Variants in SCHIP1 observed in about 807,000 individuals in gnomAD.
The protein encoded by SCHIP1 is schwannomin interacting protein 1, also known as schwannomin-interacting protein 1.
SCHIP1 carries 8 observed loss-of-function variants against 29.7 expected under a neutral mutation model. The ratio of observed to expected loss-of-function variants is 0.27; its 90% CI spans 0.16 to 0.49. The LOEUF is 0.49. SCHIP1 is among the 20% of genes least tolerant of loss of function. The pLI is 0.99. For missense variants in SCHIP1, 193 were observed against 294.6 expected, an observed-to-expected ratio of 0.66 and a Z score of 2.52; for synonymous variants, 76 against 94.9, an observed-to-expected ratio of 0.80 and a Z score of 1.16.
At chr3:159,784,798 C>T in the SCHIP1 span, among the ~76,000 whole-genome samples, 6 of 152,262 alleles carry the variant, frequency 3.9e-5, no homozygotes, top group East Asian at 1.9e-4. Context: ...AGACTACAGA[C>T]GCGTGCCACC....
chr3:159,536,699 AAAG>A, the SCHIP1 span, among the ~76,000 whole-genome samples: 2 of 152,184 alleles, frequency 1.3e-5, no homozygotes, highest in South Asian at 2.1e-4. Flanking sequence ...GGGAGAAGGG[AAAG>A]AAGACAAAAT....
At chr3:159,501,356 CAG>C in the SCHIP1 span, among the ~76,000 whole-genome samples, 1 of 152,204 alleles carries the variant, frequency 6.6e-6, no homozygotes, top group African/African-American at 2.4e-5. Context: ...AATTTAGTGA[CAG>C]ATTTAATTCC....
the SCHIP1 span, among the ~76,000 whole-genome samples, chr3:159,669,692 A>C: frequency 2.0e-5 from 3 of 152,310 alleles, no homozygotes; most frequent in East Asian, 5.8e-4. Flanking sequence ...AGAAGGTATT[A>C]ATATTTAGCA....
the SCHIP1 span, among the ~76,000 whole-genome samples, chr3:159,723,293 C>T: frequency 6.6e-6 from 1 of 152,100 alleles, no homozygotes. Flanking sequence ...TCCCACCATC[C>T]ACATATTTTT....
chr3:159,514,017 ACG>A, the SCHIP1 span, among the ~76,000 whole-genome samples: 2 of 152,204 alleles, frequency 1.3e-5, no homozygotes, highest in Non-Finnish European at 2.9e-5. Context: ...CAGGTGCAAG[ACG>A]TGAAATGAAC....
the SCHIP1 span, among the ~76,000 whole-genome samples, chr3:159,505,749 G>A: frequency 6.6e-6 from 1 of 152,006 alleles, no homozygotes; most frequent in African/African-American, 2.4e-5. Context: ...GCGATAGTTT[G>A]CTGAGAATGA....
the SCHIP1 span, among the ~76,000 whole-genome samples, chr3:159,787,474 G>A: frequency 1.3e-4 from 20 of 152,352 alleles, no homozygotes; most frequent in South Asian, 3.9e-3. Context: ...GCATCTGGTA[G>A]GAGCTTAGTG....
the SCHIP1 span, among the ~76,000 whole-genome samples, chr3:159,696,754 G>A: frequency 6.6e-6 from 1 of 152,200 alleles, no homozygotes. Flanking sequence ...GGTCAGGAAA[G>A]GCTTCCTAAG....
At chr3:159,831,997 C>T in the SCHIP1 span, among the ~76,000 whole-genome samples, 12 of 152,118 alleles carry the variant, frequency 7.9e-5, no homozygotes, top group Non-Finnish European at 1.6e-4. Flanking sequence ...ACTTAACACA[C>T]GTTTATGAGT....
chr3:159,504,570 T>G, the SCHIP1 span, among the ~76,000 whole-genome samples: 1 of 152,194 alleles, frequency 6.6e-6, no homozygotes, highest in Non-Finnish European at 1.5e-5. Context: ...CCAAAAATTC[T>G]TATATTTAGC....
At chr3:159,866,039 C>A (rs1285030432) in intron 1 of SCHIP1, 124 bp from the exon 3 acceptor site, 3 of 812,172 alleles carry the variant, frequency 3.7e-6, no homozygotes, top group African/African-American at 3.5e-5. Flanking sequence ...TACTCTTATG[C>A]CGCAGCCTAT....
chr3:159,486,209 T>C, the SCHIP1 span, among the ~76,000 whole-genome samples: 1 of 152,172 alleles, frequency 6.6e-6, no homozygotes, highest in African/African-American at 2.4e-5. Flanking sequence ...TATTGTTAAC[T>C]ACAGACCCCA....
chr3:159,335,915 C>T, the SCHIP1 span, among the ~76,000 whole-genome samples: 1 of 152,190 alleles, frequency 6.6e-6, no homozygotes, highest in Non-Finnish European at 1.5e-5. Context: ...TGAGGAATCG[C>T]CACACTGACT....
chr3:159,773,824 C>A, the SCHIP1 span, among the ~76,000 whole-genome samples: 1 of 152,178 alleles, frequency 6.6e-6, no homozygotes, highest in Non-Finnish European at 1.5e-5. Context: ...TGGCTCACCC[C>A]ACAAGTGAAG....
At chr3:159,477,499 T>C in the SCHIP1 span, among the ~76,000 whole-genome samples, 1 of 152,192 alleles carries the variant, frequency 6.6e-6, no homozygotes, top group African/African-American at 2.4e-5. Context: ...AGATGGTATC[T>C]CCTAGTGGTT....
chr3:159,530,362 G>T, the SCHIP1 span, among the ~76,000 whole-genome samples: 1 of 152,248 alleles, frequency 6.6e-6, no homozygotes, highest in East Asian at 1.9e-4. Context: ...CAGTCCTGAG[G>T]AAGAGCTGCT....
At chr3:159,344,720 G>A in the SCHIP1 span, among the ~76,000 whole-genome samples, 7 of 152,174 alleles carry the variant, frequency 4.6e-5, no homozygotes, top group African/African-American at 1.7e-4. Flanking sequence ...TGGTATCTTG[G>A]ATAGAATTCT....
chr3:159,384,372 G>A, the SCHIP1 span, among the ~76,000 whole-genome samples: 4,617 of 151,976 alleles, frequency 0.03, 269 homozygotes, highest in African/African-American at 0.11. Flanking sequence ...ATAATTATGT[G>A]GTTTTTGTCT....
the SCHIP1 span, among the ~76,000 whole-genome samples, chr3:159,664,144 A>C: frequency 6.6e-6 from 1 of 152,190 alleles, no homozygotes; most frequent in Non-Finnish European, 1.5e-5. Flanking sequence ...ACTTGCACAG[A>C]AAATTGTAGG....
Sources: allele counts gnomAD v4.1 joint callset (sites outside exome capture counted in the v4.1 genomes callset), GRCh38; gene constraint gnomAD v4.1.1; transcripts MANE v1.5; gene names NCBI Gene and HGNC (gene_info 2026-07-23, HGNC 2026-07-21).